Variants in SEMA4C observed in about 807,000 individuals in gnomAD.
The protein encoded by SEMA4C is semaphorin 4C, also known as semaphorin-4C.
SEMA4C carries 19 observed loss-of-function variants against 89.0 expected under a neutral mutation model. The ratio of observed to expected loss-of-function variants is 0.21; its 90% CI spans 0.15 to 0.31. The LOEUF is 0.31. Ranked by LOEUF, SEMA4C falls within the 10% of genes least tolerant of loss-of-function variation. The probability of loss-of-function intolerance (pLI) is 1.00; values close to 1 mark genes in which losing one functional copy is unlikely to be tolerated. For missense variants in SEMA4C, 811 were observed against 1,107.0 expected (o/e 0.73, Z 3.79); for synonymous variants, 428 against 472.7 (o/e 0.91, Z 1.23).
intron 1 of SEMA4C, chr2:96,868,735 A>G (rs1574157886): frequency 1.1e-5 from 10 of 895,198 alleles, no homozygotes; most frequent in African/African-American, 2.0e-5. Context: ...CGGCGCGCGC[A>G]GGCGACGGGG....
chr2:96,869,314 A>C, intron 1 of SEMA4C: 1 of 985,248 alleles, frequency 1.0e-6, no homozygotes, highest in Non-Finnish European at 1.2e-6. Flanking sequence ...GGGGTGCGGG[A>C]TCCAGGCGGG....
rs529060482 is a variant in SEMA4C at position 96,861,764 on chromosome 2, C to T, written c.1574G>A (p.Arg525His). Residue 525 changes from arginine to histidine, a missense_variant, in exon 13 of 15, where the codon CGC becomes CAC. Arg to His is a conservative substitution (Grantham distance 29, BLOSUM62 0). Around this residue, in one of 4 missense-constraint regions of SEMA4C, gnomAD observed 441 missense variants for 664.9 expected, o/e 0.66. Coordinates refer to ENST00000305476, the MANE Select transcript of SEMA4C (RefSeq NM_017789.5). This position sits in a 1 kb window ranked among gnomAD's most constrained non-coding sequence, Gnocchi z 7.8. ...AGAGTGGCCACCCACGGCCACACAG[C>T]GGCTGGTGTTGACGCTCCAGGCGCA... is the stretch of plus-strand genomic sequence containing the variant. ...PYCAWSVNTS[R>H]CVAVGGHSGS... is the part of the protein sequence containing the mutation. 4.1e-5 allele frequency: 66 copies of T among 1,613,556 alleles called. No individual in the cohort carries two copies. In the Middle Eastern group the frequency reaches 8.3e-4, roughly 20 times the overall value.
In SEMA4C at chr2:96,861,850, G is replaced by A. The variant is rs757028398; in HGVS notation, c.1488C>T (p.Pro496=). 41 of 1,612,344 alleles carry A rather than the reference G, an allele frequency of 2.5e-5. No homozygotes were observed. Among genetic ancestry groups the A allele is most frequent in the East Asian group, 8.9e-5 (4 of 44,892 alleles). ...AGCGATACTTCATGCAGTCGGCCAC[G>A]GGCAGCTGCACCAGCTGAGAGCGGG... The part of the protein sequence containing the change: ...AGSRSQLVQL[P]VADCMKYRSC... Residue 496 remains proline, a synonymous_variant, in exon 13 of 15, where the codon CCC becomes CCT. Coordinates refer to ENST00000305476, the MANE Select transcript of SEMA4C (RefSeq NM_017789.5). The surrounding 1 kb of genome is among the most constrained non-coding windows in gnomAD (Gnocchi z 7.8).
rs753131082 is a variant in SEMA4C, at chr2:96,861,029, G to A, written c.2099C>T (p.Ala700Val). 6.8e-6 allele frequency: 11 copies of A among 1,612,952 alleles called. No homozygotes were observed. The highest frequency in any genetic ancestry group is 9.3e-6 in the Non-Finnish European group (11 of 1,180,006). The change falls in exon 15 of 15, where the codon GCT becomes GTT. Residue 700 changes from alanine to valine, a missense_variant. Transcript: ENST00000305476. This position sits in a 1 kb window ranked among gnomAD's most constrained non-coding sequence, Gnocchi z 7.8. ...GGGGTACACCAAGGTCCTCTCAGTA[G>A]CCTTGGCCCCTTTCTCCAGCTCTTC... ...LREELEKGAK[A>V]TERTLVYPLE... is the part of the protein sequence containing the mutation.
At position 96,866,439 on chromosome 2, in the gene SEMA4C, G is replaced by GGTAA. The variant is rs1172961231; in HGVS notation, c.110-12_110-9dup. 4 of 1,613,804 alleles carry GGTAA rather than the reference G, an allele frequency of 2.5e-6. No individual in the cohort carries two copies. The highest frequency in any genetic ancestry group is 2.5e-6 in the Non-Finnish European group (3 of 1,180,038). On this transcript the variant is annotated splice_polypyrimidine_tract_variant and intron_variant, in intron 2 of 14. Coordinates refer to ENST00000305476, the MANE Select transcript of SEMA4C (RefSeq NM_017789.5). ...GTACTACCGTGGCCAGCTCTGCAGG[G>GGTAA]GTAAGCATGGCTGCTGATGGGCAGG...
chr2:96,860,797 G>A lies in SEMA4C; in HGVS notation c.2331C>T (p.His777=), dbSNP rs200526785. 9 of 1,613,846 alleles carry A rather than the reference G, an allele frequency of 5.6e-6. No homozygotes were observed. In the East Asian group the frequency reaches 8.9e-5, roughly 16 times the overall value. ...GQPLPSPTRL[H]LGGGRNSNAN... ...CATTTGAGTTCCGCCCACCCCCCAG[G>A]TGAAGCCGAGTTGGAGAAGGCAGAG... The change falls in exon 15 of 15, where the codon CAC becomes CAT. Residue 777 remains histidine, a synonymous_variant. Coordinates refer to ENST00000305476, the MANE Select transcript of SEMA4C (RefSeq NM_017789.5).
chr2:96,860,209 A>C lies in SEMA4C; in HGVS notation c.*417T>G, dbSNP rs1415522452. On this transcript the variant is annotated 3_prime_UTR_variant, in exon 15 of 15. Coordinates refer to ENST00000305476, the MANE Select transcript of SEMA4C (RefSeq NM_017789.5). ...ACGACCCCTTCCCCTTCATAGCTCC[A>C]ATGACTCACCAGGAGGACCCAGGCC... The C allele has an allele frequency of 1.1e-5, 2 of 182,958 alleles. No individual in the cohort carries two copies. The highest frequency in any genetic ancestry group is 2.2e-5 in the Non-Finnish European group (2 of 88,914). The allele number at this position is 182,958 out of a possible 1,614,324, so 11.3% of individuals were successfully genotyped here. A position where few individuals can be genotyped will look rare whatever the true frequency, so the allele number is the denominator to read the frequency against.
Position 96,864,220 on chromosome 2 carries a change from C to T in SEMA4C, c.1107+18G>A. On this transcript the variant is annotated intron_variant, in intron 10 of 14. Transcript: ENST00000305476. This position sits in a 1 kb window ranked among gnomAD's most constrained non-coding sequence, Gnocchi z 6.3. ...ACCGCAGCTGGGTGGGGAGATGCAT[C>T]CCTGCCCTAGCACTCACCGAGCCAG... The T allele has an allele frequency of 6.2e-7, 1 of 1,613,748 alleles. No individual in the cohort carries two copies. The highest frequency in any genetic ancestry group is 8.5e-7 in the Non-Finnish European group (1 of 1,179,988).
intron 1 of SEMA4C, chr2:96,869,074 C>A: frequency 2.0e-6 from 2 of 985,382 alleles, no homozygotes; most frequent in Non-Finnish European, 2.4e-6. Flanking sequence ...GGGAGCGTGG[C>A]GAGCCCGGCC....
chr2:96,862,692 C>T (rs932752122), intron 12 of SEMA4C: 1 of 152,216 alleles, frequency 6.6e-6, no homozygotes, highest in African/African-American at 2.4e-5. Flanking sequence ...GAAACCCCGT[C>T]TCTACTAAAA....
intron 1 of SEMA4C, 68 bp downstream of exon 1, chr2:96,869,808 G>A (rs2080167268): frequency 1.0e-6 from 1 of 985,064 alleles, no homozygotes; most frequent in Non-Finnish European, 1.2e-6. Flanking sequence ...CCCTGCCCAA[G>A]CAAAGGGACA....
chr2:96,863,479 C>T (rs916874918), intron 12 of SEMA4C: 1 of 925,878 alleles, frequency 1.1e-6, no homozygotes, highest in South Asian at 5.0e-5. Context: ...ATATAATGGC[C>T]CTGTGCAGTG....
Position 96,860,868 on chromosome 2 carries a change from G to C in SEMA4C, c.2260C>G (p.Pro754Ala), listed in dbSNP as rs572445970. Residue 754 changes from proline (P) to alanine (A), a missense_variant, in exon 15 of 15, where the codon CCC (proline) becomes GCC (alanine). Around this residue, in one of 4 missense-constraint regions of SEMA4C, gnomAD observed 248 missense variants for 269.0 expected, o/e 0.92. Coordinates refer to ENST00000305476, the MANE Select transcript of SEMA4C (RefSeq NM_017789.5). ...KIVPGHARCQ[P>A]GGGPPSPPPG... ...GGTGGCGAAGGGGGCCCCCCACCGG[G>C]CTGGCACCGGGCATGCCCAGGTACT... 6.2e-7 allele frequency: 1 copy of C among 1,613,162 alleles called. No individual in the cohort carries two copies. The highest frequency in any genetic ancestry group is 1.3e-5 in the African/African-American group (1 of 75,046).
At chr2:96,869,815 G>A (rs1337769932) in intron 1 of SEMA4C, 61 bp downstream of exon 1, 55 of 985,156 alleles carry the variant, frequency 5.6e-5, no homozygotes, top group Non-Finnish European at 6.3e-5. Flanking sequence ...CAAGCAAAGG[G>A]ACAAAGCGGC....
At chr2:96,870,824 C>A, upstream of SEMA4C, 1 of 912,676 alleles carries the variant, frequency 1.1e-6, no homozygotes, top group Non-Finnish European at 1.3e-6. Flanking sequence ...GAACCACCAG[C>A]CTCCGCCCAC....
intron 3 of SEMA4C, 135 bp from the exon 4 acceptor site, chr2:96,866,064 T>A: frequency 9.1e-7 from 1 of 1,095,754 alleles, no homozygotes; most frequent in Non-Finnish European, 1.3e-6. Context: ...CTTCCTTTAG[T>A]ACAGAATGGA....
chr2:96,864,841 T>A lies in SEMA4C; in HGVS notation c.826A>T (p.Thr276Ser), dbSNP rs1574149666. The A allele has an allele frequency of 6.2e-7, 1 of 1,612,996 alleles. No homozygotes were observed. The highest frequency in any genetic ancestry group is 1.3e-5 in the African/African-American group (1 of 74,674). ...GCCAGCCGCGCCTTCAGGAACGTGG[T>A]CCACTTCCTCTGCAGGGTCCGTGCG... ...GGARTLQRKWTTFLKARLACS... is the reference protein window; with the variant it reads ...GGARTLQRKWSTFLKARLACS... The change falls in exon 9 of 15, where the codon ACC (threonine) becomes TCC (serine). Residue 276 changes from threonine (T) to serine (S), a missense_variant. Transcript: ENST00000305476. The surrounding 1 kb of genome is among the most constrained non-coding windows in gnomAD (Gnocchi z 6.3).
Position 96,865,908 on chromosome 2 carries a change from C to T in SEMA4C, c.280G>A (p.Glu94Lys). 6.2e-7 allele frequency: 1 copy of T among 1,614,090 alleles called. No homozygotes were observed. The highest frequency in any genetic ancestry group is 1.3e-5 in the African/African-American group (1 of 75,050). ...TTCTGGATACACTCAGTCTTCTTCT[C>T]CACGGGGGCCTCCCAGGAGATCTGG... Reference protein sequence around the residue: ...QGAISWEAPVEKKTECIQKGK... With the variant: ...QGAISWEAPVKKKTECIQKGK... Residue 94 changes from glutamate to lysine, a missense_variant, in exon 4 of 15, where the codon GAG becomes AAG. By Grantham distance (56) the Glu-to-Lys change is moderately conservative. This residue lies in a region of SEMA4C where 119 missense variants were observed against 152.7 expected (regional missense o/e 0.78). Coordinates refer to ENST00000305476, the MANE Select transcript of SEMA4C (RefSeq NM_017789.5).
At position 96,861,968 on chromosome 2, in the gene SEMA4C, C is replaced by T; in HGVS notation, c.1444-74G>A. 6.7e-7 allele frequency: 1 copy of T among 1,499,302 alleles called. No homozygotes were observed. The highest frequency in any genetic ancestry group is 9.0e-7 in the Non-Finnish European group (1 of 1,114,686). 92.9% of individuals were successfully genotyped at this position (1,499,302 alleles called of 1,614,324 possible). A position where few individuals can be genotyped will look rare whatever the true frequency, so the allele number is the denominator to read the frequency against. ...CGGGAGGGGCGGCCGGACCAGAACG[C>T]AGCATGGGGACAGCTTGGACTCCTG... On this transcript the variant is annotated intron_variant, in intron 12 of 14. Transcript: ENST00000305476. The surrounding 1 kb of genome is among the most constrained non-coding windows in gnomAD (Gnocchi z 7.8).
Sources: allele counts gnomAD v4.1 joint callset, GRCh38; gene constraint gnomAD v4.1.1; regional missense constraint gnomAD v4.1.1; non-coding constraint Gnocchi (gnomAD v3.1); transcripts MANE v1.5; gene names NCBI Gene and HGNC (gene_info 2026-07-23, HGNC 2026-07-21).